The following ATP2B2 variants were observed in gnomAD, a reference collection of about 807,000 sequenced individuals.
The protein encoded by ATP2B2 is ATPase plasma membrane Ca2+ transporting 2.
ATP2B2 carries 15 observed loss-of-function variants against 120.0 expected under a neutral mutation model. That is an observed-to-expected ratio of 0.12 (90% CI 0.08 to 0.19). The LOEUF (loss-of-function observed/expected upper bound fraction) is 0.19. Among genes scored for constraint, ATP2B2 ranks in the 10% least tolerant of loss-of-function variants. The probability of loss-of-function intolerance (pLI) is 1.00; values close to 1 mark genes in which losing one functional copy is unlikely to be tolerated. For missense variants in ATP2B2, 1,045 were observed against 1,719.8 expected, an observed-to-expected ratio of 0.61 and a Z score of 6.94; for synonymous variants, 694 against 700.3, an observed-to-expected ratio of 0.99 and a Z score of 0.14.
intron 2 of ATP2B2, among the ~76,000 whole-genome samples, chr3:10,585,961 C>A (rs1263838902): frequency 6.6e-6 from 1 of 152,220 alleles, no homozygotes; most frequent in African/African-American, 2.4e-5. Flanking sequence ...TATCTCCAAT[C>A]TAGAACCTTG....
intron 3 of ATP2B2, among the ~76,000 whole-genome samples, chr3:10,525,485 T>C (rs1284966399): frequency 6.6e-6 from 1 of 152,214 alleles, no homozygotes; most frequent in African/African-American, 2.4e-5. Flanking sequence ...ATGATACCTT[T>C]CTCATAATCA....
At position 10,584,565 on chromosome 3, in the gene ATP2B2, G is replaced by A. The variant is rs147762215; in HGVS notation, c.-415+35352C>T. The stretch of plus-strand genomic sequence containing the variant: ...CACAGTCCCGAATGTCCACAGAGCT[G>A]AGCTGCCCGCTCTTTCCAGAGGGAA... On this transcript the variant is annotated intron_variant, in intron 2 of 21. Transcript: ENST00000646379. 2.6e-5 allele frequency among the ~76,000 whole-genome samples: 4 copies of A among 152,246 alleles called. No individual in the cohort carries two copies. In the East Asian group the frequency reaches 7.7e-4, roughly 29 times the overall value.
intron 12 of ATP2B2, among the ~76,000 whole-genome samples, chr3:10,362,371 C>T (rs182073605): frequency 1.1e-4 from 16 of 152,168 alleles, no homozygotes; most frequent in African/African-American, 3.6e-4. Flanking sequence ...AGCTAGGGCT[C>T]GGGCCCAAAG....
intron 1 of ATP2B2, among the ~76,000 whole-genome samples, chr3:10,462,907 G>A (rs1392472370): frequency 6.6e-6 from 1 of 152,158 alleles, no homozygotes; most frequent in African/African-American, 2.4e-5. Flanking sequence ...CTGGGGTCTT[G>A]TCTAAGTTAA....
intron 1 of ATP2B2, among the ~76,000 whole-genome samples, chr3:10,682,424 G>A (rs1214839449): frequency 1.3e-5 from 2 of 152,226 alleles, no homozygotes. Flanking sequence ...TGCACCTGGA[G>A]TTTGAATGGC....
At chr3:10,662,403 C>A (rs1485705655) in intron 1 of ATP2B2, among the ~76,000 whole-genome samples, 2 of 145,364 alleles carry the variant, frequency 1.4e-5, no homozygotes, top group Non-Finnish European at 3.0e-5. Flanking sequence ...AAGAAAAAAA[C>A]AAACAACCCC....
At chr3:10,371,373 T>G (rs1366107018) in intron 12 of ATP2B2, among the ~76,000 whole-genome samples, 1 of 152,222 alleles carries the variant, frequency 6.6e-6, no homozygotes, top group African/African-American at 2.4e-5. Flanking sequence ...GATGTCCACA[T>G]GAACCCCCAC....
chr3:10,570,152 G>C (rs2068091620), intron 2 of ATP2B2: 1 of 152,216 alleles, frequency 6.6e-6, no homozygotes, highest in South Asian at 2.1e-4. Context: ...GATGCCTCTA[G>C]CGTCCTTCAC....
Position 10,398,522 on chromosome 3 carries a change from G to A in ATP2B2, c.781+2431C>T, listed in dbSNP as rs566530624. Among the ~76,000 whole-genome samples, 10 of 152,318 alleles carry A rather than the reference G, an allele frequency of 6.6e-5. No homozygotes were observed. In the East Asian group the frequency reaches 1.2e-3, roughly 18 times the overall value. On this transcript the variant is annotated intron_variant, in intron 5 of 22. Coordinates refer to ENST00000360273, the MANE Select transcript of ATP2B2 (RefSeq NM_001001331.4). ...GCCAAAACCAATGCTGACCCCAGCA[G>A]CCCAGGCTTCACGGGACTCACTGGG...
At chr3:10,654,895 C>T (rs2342149) in intron 1 of ATP2B2, among the ~76,000 whole-genome samples, 33,513 of 151,920 alleles carry the variant, frequency 0.22, 6,204 homozygotes, top group African/African-American at 0.5. Flanking sequence ...CCACAAACCA[C>T]ATTTAGAGAA....
rs974822079 is a variant in ATP2B2 at position 10,385,285 on chromosome 3, T to C, written c.983A>G (p.Asn328Ser). ...AAASNAADSA[N>S]ASLVNGKMQD... ...AGACATACCATTGACTAGGCTGGCA[T>C]TCGCACTATCTGCAGCATTTGAAGC... Residue 328 changes from asparagine (N) to serine (S), a missense_variant, in exon 8 of 23, where the codon AAT (asparagine) becomes AGT (serine). Asn to Ser is a conservative substitution (Grantham distance 46). This residue lies in a region of ATP2B2 where 145 missense variants were observed against 202.0 expected (regional missense o/e 0.72). Transcript: ENST00000360273. 1 of 1,613,678 alleles carries C rather than the reference T, an allele frequency of 6.2e-7. No homozygotes were observed. The highest frequency in any genetic ancestry group is 1.1e-5 in the South Asian group (1 of 91,040).
rs551964577 is a variant in ATP2B2, at chr3:10,608,967, C to T, written c.-415+10950G>A. ...AGGTCCTTTGGGGAAGTCCTATAAC[C>T]CCCTTGCCTTGACTGCAAGCCAACA... On this transcript the variant is annotated intron_variant, in intron 2 of 21. Coordinates refer to the ATP2B2 transcript ENST00000646379. Among the ~76,000 whole-genome samples the T allele has an allele frequency of 2.6e-5, 4 of 152,254 alleles. No individual in the cohort carries two copies. The South Asian group carries it at 8.3e-4, about 32-fold the overall frequency.
intron 3 of ATP2B2, among the ~76,000 whole-genome samples, chr3:10,410,200 A>T (rs987627017): frequency 2.6e-5 from 4 of 152,020 alleles, no homozygotes; most frequent in African/African-American, 9.7e-5. Flanking sequence ...ACTTAGTTAC[A>T]TGAGTAAGTT....
At chr3:10,547,723 T>C (rs1016793882) in intron 2 of ATP2B2, among the ~76,000 whole-genome samples, 16 of 152,302 alleles carry the variant, frequency 1.1e-4, no homozygotes, top group African/African-American at 3.6e-4. Flanking sequence ...ATATTAGTCC[T>C]CAGGGAGGCT....
chr3:10,490,559 C>A (rs1029743518), intron 1 of ATP2B2, among the ~76,000 whole-genome samples: 1 of 152,060 alleles, frequency 6.6e-6, no homozygotes, highest in African/African-American at 2.4e-5. Flanking sequence ...CGCCACCATG[C>A]CTGGCTAATT....
At chr3:10,330,632 C>A (rs1443028011) in intron 22 of ATP2B2, among the ~76,000 whole-genome samples, 1 of 152,256 alleles carries the variant, frequency 6.6e-6, no homozygotes, top group Non-Finnish European at 1.5e-5. Context: ...GGCTGCCCTG[C>A]ACCACAGGCC....
intron 2 of ATP2B2, among the ~76,000 whole-genome samples, chr3:10,572,270 T>C (rs1051139576): frequency 5.9e-5 from 9 of 152,178 alleles, no homozygotes; most frequent in Admixed American, 5.9e-4. Flanking sequence ...TGGTTGTTTG[T>C]TACACAGCAT....
At chr3:10,512,463 C>CGCGT (rs1240712535) in intron 3 of ATP2B2, among the ~76,000 whole-genome samples, 73 of 89,002 alleles carry the variant, frequency 8.2e-4, no homozygotes, top group African/African-American at 2.9e-3. Flanking sequence ...AAAGTGTGTG[C>CGCGT]GCACACACAC....
chr3:10,661,943 C>T (rs1482929383), intron 1 of ATP2B2, among the ~76,000 whole-genome samples: 1 of 152,126 alleles, frequency 6.6e-6, no homozygotes, highest in African/African-American at 2.4e-5. Context: ...AGAAATAATA[C>T]CACACATCTA....
Sources: allele counts gnomAD v4.1 joint callset (sites outside exome capture counted in the v4.1 genomes callset), GRCh38; gene constraint gnomAD v4.1.1; regional missense constraint gnomAD v4.1.1; transcripts MANE v1.5; gene names NCBI Gene and HGNC (gene_info 2026-07-23, HGNC 2026-07-21).